The following PCDH15 variants were observed in gnomAD, a reference collection of about 807,000 sequenced individuals.
PCDH15 encodes protocadherin related 15, also known as protocadherin-15.
Under a neutral mutation model 178.5 loss-of-function variants are expected in PCDH15, and 129 were observed. The observed-to-expected ratio is 0.72, with a 90% CI of 0.63 to 0.84. PCDH15 has a LOEUF of 0.84. PCDH15 is among the 40% of genes least tolerant of loss of function. PCDH15 has a pLI of 0.00. For missense variants in PCDH15, 2,230 were observed against 2,099.9 expected, an observed-to-expected ratio of 1.06 and a Z score of -1.21; for synonymous variants, 800 against 732.0, an observed-to-expected ratio of 1.09 and a Z score of -1.50.
intron 1 of PCDH15, among the ~76,000 whole-genome samples, chr10:55,283,086 C>T (rs145299170): frequency 5.8e-4 from 88 of 152,296 alleles, no homozygotes; most frequent in Non-Finnish European, 1.1e-3. Context: ...AGGAGTCATG[C>T]AGCTGGAGGC....
In PCDH15 at chr10:54,242,130, TTATATATATATATATATATATATATATA is replaced by T. The variant is rs57729172; in HGVS notation, c.877-5227_877-5200del. On this transcript the variant is annotated intron_variant, in intron 8 of 37. Transcript: ENST00000644397. The stretch of plus-strand genomic sequence containing the variant: ...TGAACTTTTGGTCTGAATTCTATTT[TTATATATATATATATATATATATATATA>T]TATATATATATATATATATATATAT... Among the ~76,000 whole-genome samples, 280 of 31,708 alleles carry T rather than the reference TTATATATATATATATATATATATATATA, an allele frequency of 8.8e-3. 4 individuals carry two copies. Among genetic ancestry groups the T allele is most frequent in the Admixed American group, 0.012 (31 of 2,578 alleles). The allele number at this position is 31,708 out of a possible 152,430, so 20.8% of individuals were successfully genotyped here. A position where few individuals can be genotyped will look rare whatever the true frequency, so the allele number is the denominator to read the frequency against.
chr10:54,009,453 A>G (rs1360815216), intron 20 of PCDH15, among the ~76,000 whole-genome samples: 1 of 152,142 alleles, frequency 6.6e-6, no homozygotes, highest in East Asian at 1.9e-4. Flanking sequence ...AAATGGCATC[A>G]ATTTGTGTGC....
chr10:55,450,839 T>G (rs1188194078), intron 2 of PCDH15, among the ~76,000 whole-genome samples: 4 of 151,746 alleles, frequency 2.6e-5, no homozygotes, highest in Non-Finnish European at 5.9e-5. Context: ...ATCTCCCATA[T>G]CACCTATCAC....
intron 3 of PCDH15, among the ~76,000 whole-genome samples, chr10:54,498,769 C>T (rs2080364579): frequency 1.3e-5 from 2 of 152,066 alleles, no homozygotes; most frequent in Admixed American, 1.3e-4. Flanking sequence ...TCTTGCACTG[C>T]TATAAAGAAA....
chr10:55,047,958 T>C (rs576351306), intron 2 of PCDH15, among the ~76,000 whole-genome samples: 5 of 151,988 alleles, frequency 3.3e-5, no homozygotes, highest in Admixed American at 6.6e-5. Flanking sequence ...TGGCAATCAA[T>C]AGCCAAACCT....
At chr10:54,950,504 A>G (rs140624784) in intron 2 of PCDH15, among the ~76,000 whole-genome samples, 148 of 152,104 alleles carry the variant, frequency 9.7e-4, no homozygotes, top group African/African-American at 2.5e-3. Flanking sequence ...CGTAAGATGT[A>G]ACTTGCTCCT....
At chr10:53,970,294 C>G (rs2089535865) in intron 21 of PCDH15, among the ~76,000 whole-genome samples, 1 of 152,128 alleles carries the variant, frequency 6.6e-6, no homozygotes, top group African/African-American at 2.4e-5. Flanking sequence ...GGGATCAATT[C>G]AACAAGAAGA....
At chr10:55,474,037 A>G (rs371250959) in intron 2 of PCDH15, among the ~76,000 whole-genome samples, 2 of 152,160 alleles carry the variant, frequency 1.3e-5, no homozygotes, top group African/African-American at 2.4e-5. Context: ...CCTACTTGGC[A>G]TGCAAGACCA....
At chr10:55,130,680 CGTGTGTGT>C (rs72055158) in intron 2 of PCDH15, among the ~76,000 whole-genome samples, 73,891 of 146,036 alleles carry the variant, frequency 0.51, 18,604 homozygotes, top group Non-Finnish European at 0.55. Flanking sequence ...CACACATACA[CGTGTGTGT>C]GTGTGTGTGT....
At chr10:55,598,519 T>C (rs1450905227) in intron 2 of PCDH15, among the ~76,000 whole-genome samples, 1 of 9,492 alleles carries the variant, frequency 1.1e-4, no homozygotes, top group Non-Finnish European at 1.7e-4. Flanking sequence ...CCCTAATATA[T>C]ATATATATAT....
chr10:55,000,902 C>T (rs1436808494), intron 2 of PCDH15, among the ~76,000 whole-genome samples: 1 of 151,944 alleles, frequency 6.6e-6, no homozygotes, highest in Non-Finnish European at 1.5e-5. Flanking sequence ...GACTGCTTGG[C>T]AAATCTGATG....
chr10:54,619,293 G>A (rs2093282144), intron 2 of PCDH15: 1 of 151,862 alleles, frequency 6.6e-6, no homozygotes, highest in African/African-American at 2.4e-5. Flanking sequence ...TGGCAGACTG[G>A]GATAACATCT....
intron 6 of PCDH15, among the ~76,000 whole-genome samples, chr10:54,336,707 A>T (rs1941237098): frequency 6.6e-6 from 1 of 152,246 alleles, no homozygotes; most frequent in Non-Finnish European, 1.5e-5. Flanking sequence ...GCCCTCATGG[A>T]GAACCTCTGC....
intron 20 of PCDH15, among the ~76,000 whole-genome samples, chr10:54,005,539 A>G (rs2092354581): frequency 6.6e-6 from 1 of 152,152 alleles, no homozygotes; most frequent in Admixed American, 6.6e-5. Flanking sequence ...TACAAGTGAT[A>G]AACCGGTATA....
At chr10:55,239,937 C>T (rs1841495115) in intron 1 of PCDH15, among the ~76,000 whole-genome samples, 1 of 151,962 alleles carries the variant, frequency 6.6e-6, no homozygotes, top group Non-Finnish European at 1.5e-5. Context: ...AAAAAATATT[C>T]ATATCAAAAA....
At chr10:54,653,245 C>A (rs931668804) in intron 2 of PCDH15, among the ~76,000 whole-genome samples, 16 of 152,134 alleles carry the variant, frequency 1.1e-4, no homozygotes, top group Non-Finnish European at 2.2e-4. Flanking sequence ...AGAGTATCCA[C>A]GTGACCATTA....
At chr10:55,361,952 A>T (rs1845240618) in intron 2 of PCDH15, among the ~76,000 whole-genome samples, 1 of 152,108 alleles carries the variant, frequency 6.6e-6, no homozygotes, top group South Asian at 2.1e-4. Context: ...GACCTTCTCT[A>T]GTCTGCTTGT....
chr10:53,861,429 G>C (rs1014593173), intron 27 of PCDH15, among the ~76,000 whole-genome samples: 27 of 151,984 alleles, frequency 1.8e-4, no homozygotes, highest in Admixed American at 4.6e-4. Flanking sequence ...AAAAAGCAAT[G>C]GTTGGAAATT....
intron 8 of PCDH15, among the ~76,000 whole-genome samples, chr10:54,274,070 G>A (rs1015915751): frequency 6.6e-6 from 1 of 152,018 alleles, no homozygotes; most frequent in Non-Finnish European, 1.5e-5. Context: ...TAACTCATAA[G>A]TAGGAGCTAA....
Sources: allele counts gnomAD v4.1 joint callset (sites outside exome capture counted in the v4.1 genomes callset), GRCh38; gene constraint gnomAD v4.1.1; transcripts MANE v1.5; gene names NCBI Gene and HGNC (gene_info 2026-07-23, HGNC 2026-07-21).